The following VPS13B variants were observed in gnomAD, a reference collection of about 807,000 sequenced individuals.
VPS13B encodes intermembrane lipid transfer protein VPS13B.
Under a neutral mutation model 426.4 loss-of-function variants are expected in VPS13B, and 285 were observed. The ratio of observed to expected loss-of-function variants is 0.67; its 90% CI spans 0.61 to 0.74. The LOEUF (loss-of-function observed/expected upper bound fraction) is 0.74. Among genes scored for constraint, VPS13B ranks in the 30% least tolerant of loss-of-function variants. The pLI is 0.00. For missense variants in VPS13B, 4,537 were observed against 4,782.6 expected (o/e 0.95, Z 1.51); for synonymous variants, 1,676 against 1,676.4 (o/e 1.00, Z 0.01).
intron 14 of VPS13B, 150 bp downstream of exon 14, chr8:99,148,160 T>C: frequency 1.2e-6 from 1 of 868,086 alleles, no homozygotes; most frequent in Non-Finnish European, 1.8e-6. Flanking sequence ...GGATGCACAC[T>C]TGAGGCCAAG....
chr8:99,496,458 T>C (rs1820888729), intron 25 of VPS13B, among the ~76,000 whole-genome samples: 1 of 152,146 alleles, frequency 6.6e-6, no homozygotes, highest in Non-Finnish European at 1.5e-5. Context: ...GAGACCATCC[T>C]GGCTAACACA....
chr8:99,814,270 C>CTG (rs1217354294), intron 44 of VPS13B, among the ~76,000 whole-genome samples: 1 of 152,158 alleles, frequency 6.6e-6, no homozygotes, highest in African/African-American at 2.4e-5. Context: ...AGTTAGGACG[C>CTG]TTTCAGTTTG....
chr8:99,684,792 T>A (rs1470259458), intron 35 of VPS13B, among the ~76,000 whole-genome samples: 1 of 152,160 alleles, frequency 6.6e-6, no homozygotes, highest in African/African-American at 2.4e-5. Context: ...ATTTGGTTTT[T>A]GGGTTTTTTG....
chr8:99,135,603 G>GT lies in VPS13B; in HGVS notation c.1436dup (p.Phe480LeufsTer5). On this transcript the variant is annotated frameshift_variant, in exon 11 of 62. Transcript: ENST00000357162. LOFTEE classifies it high-confidence loss of function. The stretch of plus-strand genomic sequence containing the variant: ...TTTTGCATTTGTTTTCAGGAAGCCT[G>GT]TTTCTTCATTTGTGGTGACAATTTG... 2.5e-6 allele frequency: 4 copies of GT among 1,613,064 alleles called. No homozygotes were observed. The highest frequency in any genetic ancestry group is 3.4e-6 in the Non-Finnish European group (4 of 1,179,356).
At chr8:99,230,888 T>C (rs1294790310) in intron 17 of VPS13B, among the ~76,000 whole-genome samples, 3 of 152,240 alleles carry the variant, frequency 2.0e-5, no homozygotes, top group African/African-American at 7.2e-5. Flanking sequence ...CTTTGGGAAA[T>C]TGAATAGCAG....
intron 19 of VPS13B, among the ~76,000 whole-genome samples, chr8:99,377,889 G>T (rs1042372668): frequency 6.6e-6 from 1 of 152,172 alleles, no homozygotes. Flanking sequence ...CAGAAGGTCA[G>T]GGTGAGATCA....
intron 43 of VPS13B, among the ~76,000 whole-genome samples, chr8:99,792,076 A>G (rs1812566825): frequency 6.6e-6 from 1 of 152,186 alleles, no homozygotes; most frequent in African/African-American, 2.4e-5. Flanking sequence ...GTTTGTACCC[A>G]AGGCTTAAAG....
intron 17 of VPS13B, among the ~76,000 whole-genome samples, chr8:99,265,338 A>G (rs1211715310): frequency 1.3e-5 from 2 of 152,134 alleles, no homozygotes; most frequent in Non-Finnish European, 2.9e-5. Context: ...TGGTTTGAGG[A>G]TAATCGATTA....
intron 19 of VPS13B, among the ~76,000 whole-genome samples, chr8:99,379,844 A>G (rs1250961517): frequency 1.3e-5 from 2 of 152,198 alleles, no homozygotes; most frequent in Non-Finnish European, 2.9e-5. Context: ...CTCATTTGAC[A>G]GAAAGAAATT....
At chr8:99,402,540 G>T (rs1815094354) in intron 21 of VPS13B, among the ~76,000 whole-genome samples, 1 of 152,134 alleles carries the variant, frequency 6.6e-6, no homozygotes, top group African/African-American at 2.4e-5. Context: ...AGAACTGGGT[G>T]GTCCAAGGCC....
chr8:99,851,473 G>A (rs1055298479), intron 55 of VPS13B, among the ~76,000 whole-genome samples: 2 of 152,212 alleles, frequency 1.3e-5, no homozygotes, highest in Non-Finnish European at 2.9e-5. Context: ...AGCTCAGTAA[G>A]AGGGGCTGGA....
chr8:99,863,126 G>A (rs1816915868), intron 58 of VPS13B, among the ~76,000 whole-genome samples: 1 of 152,120 alleles, frequency 6.6e-6, no homozygotes, highest in Non-Finnish European at 1.5e-5. Context: ...TTTCTCTTTT[G>A]TATATTGGGC....
intron 40 of VPS13B, among the ~76,000 whole-genome samples, chr8:99,772,194 A>G (rs1417431861): frequency 6.7e-6 from 1 of 149,850 alleles, no homozygotes; most frequent in Non-Finnish European, 1.5e-5. Flanking sequence ...GAACCTTGGG[A>G]GATTACTCTT....
chr8:99,636,027 C>T (rs1406532357), intron 33 of VPS13B, among the ~76,000 whole-genome samples: 2 of 151,962 alleles, frequency 1.3e-5, no homozygotes, highest in Non-Finnish European at 2.9e-5. Context: ...GTACCGTATA[C>T]AGCTGTGAAA....
Position 99,153,003 on chromosome 8 carries a change from T to C in VPS13B, c.2014-3546T>C, listed in dbSNP as rs190248774. Among the ~76,000 whole-genome samples, 124 of 152,134 alleles carry C rather than the reference T, an allele frequency of 8.2e-4. 3 individuals are homozygous for C. The highest frequency in any genetic ancestry group is 8.2e-4 in the Non-Finnish European group (56 of 67,980). ...ACCAGCTTGGGTAAAACCCTGTCTC[T>C]ACAAAAAAATACAAAAGTTAGCCAG... On this transcript the variant is annotated intron_variant, in intron 14 of 61. Coordinates refer to ENST00000357162, the MANE Select transcript of VPS13B (RefSeq NM_152564.5).
chr8:99,279,110 TC>T (rs1456221300), intron 19 of VPS13B, among the ~76,000 whole-genome samples: 1 of 151,954 alleles, frequency 6.6e-6, no homozygotes, highest in African/African-American at 2.4e-5. Context: ...CAGTGGCTCA[TC>T]CCTGTAATCC....
At chr8:99,053,375 G>A (rs1419400195) in intron 3 of VPS13B, among the ~76,000 whole-genome samples, 1 of 152,004 alleles carries the variant, frequency 6.6e-6, no homozygotes, top group East Asian at 1.9e-4. Flanking sequence ...CCACCTATGA[G>A]TGAGAACATG....
chr8:99,741,369 G>A (rs1325234923), intron 39 of VPS13B, among the ~76,000 whole-genome samples: 5 of 152,044 alleles, frequency 3.3e-5, no homozygotes, highest in African/African-American at 1.2e-4. Flanking sequence ...CCACACAATA[G>A]TAATGGGAGA....
rs2133312781 is a variant in VPS13B, at chr8:99,391,670, T to C, written c.3048T>C (p.Tyr1016=). 6.2e-7 allele frequency: 1 copy of C among 1,614,068 alleles called. No individual in the cohort carries two copies. The highest frequency in any genetic ancestry group is 8.5e-7 in the Non-Finnish European group (1 of 1,179,924). ...AKQQSYQASE[Y]ASSPVKTKTV... is the part of the protein sequence containing the mutation. The stretch of plus-strand genomic sequence containing the variant: ...AGCAATCATATCAGGCCTCTGAATA[T>C]GCCAGCAGCCCTGTAAAAACAAAAA... Residue 1016 remains tyrosine (Y), a synonymous_variant, in exon 21 of 62, where the codon TAT becomes TAC. Transcript: ENST00000357162.
Sources: gnomAD v4.1 joint callset for allele counts (sites outside exome capture counted in the v4.1 genomes callset) on GRCh38, gnomAD v4.1.1 for gene constraint, MANE v1.5 for transcripts, NCBI Gene and HGNC (gene_info 2026-07-23, HGNC 2026-07-21) for gene names.